RALGAPA2: variants seen among roughly 807,000 people sequenced by gnomAD.
RALGAPA2 encodes Ral GTPase activating protein catalytic subunit alpha 2.
In RALGAPA2, 139 loss-of-function variants were observed where a neutral mutation model predicts 230.4. That is an observed-to-expected ratio of 0.60 (90% confidence interval 0.53 to 0.69). The LOEUF is 0.69. RALGAPA2 is among the 30% of genes least tolerant of loss of function. The pLI is 0.00. For missense variants in RALGAPA2, 2,163 were observed against 2,276.0 expected (o/e 0.95, Z 1.01); for synonymous variants, 847 against 837.8 (o/e 1.01, Z -0.19).
At chr20:20,595,506 A>G (rs6137071) in intron 16 of RALGAPA2, among the ~76,000 whole-genome samples, 2,571 of 152,272 alleles carry the variant, frequency 0.017, 93 homozygotes, top group East Asian at 0.14. Context: ...CAGCGAGGCA[A>G]GGTTTGCCAT....
At chr20:20,483,543 C>CA (rs2061832286) in intron 36 of RALGAPA2, among the ~76,000 whole-genome samples, 1 of 152,064 alleles carries the variant, frequency 6.6e-6, no homozygotes, top group Non-Finnish European at 1.5e-5. Flanking sequence ...GCATCAGGAC[C>CA]ATCCATCAAG....
chr20:20,471,105 A>G (rs1372993375), intron 37 of RALGAPA2: 1 of 152,228 alleles, frequency 6.6e-6, no homozygotes, highest in African/African-American at 2.4e-5. Flanking sequence ...TTTGTGAGTT[A>G]GAGTACATTT....
intron 35 of RALGAPA2, among the ~76,000 whole-genome samples, chr20:20,500,750 T>A (rs1489724203): frequency 2.0e-5 from 3 of 152,328 alleles, no homozygotes; most frequent in Non-Finnish European, 4.4e-5. Flanking sequence ...CAATGGTCTT[T>A]GCCAGATCCA....
At chr20:20,515,056 A>T (rs1040452320) in intron 31 of RALGAPA2, among the ~76,000 whole-genome samples, 1 of 151,992 alleles carries the variant, frequency 6.6e-6, no homozygotes, top group African/African-American at 2.4e-5. Flanking sequence ...GGCTCAACCC[A>T]TTTTGCCCCC....
chr20:20,402,024 G>A (rs1289478309), intron 38 of RALGAPA2, among the ~76,000 whole-genome samples: 1 of 152,224 alleles, frequency 6.6e-6, no homozygotes, highest in Non-Finnish European at 1.5e-5. Context: ...TCCCCCACTG[G>A]GTTGTTCATT....
At chr20:20,397,193 G>A (rs1280056306) in intron 38 of RALGAPA2, among the ~76,000 whole-genome samples, 1 of 152,232 alleles carries the variant, frequency 6.6e-6, no homozygotes, top group African/African-American at 2.4e-5. Context: ...AAGTTTACAT[G>A]TCTCCAAGTT....
intron 35 of RALGAPA2, among the ~76,000 whole-genome samples, chr20:20,497,564 T>C (rs976896524): frequency 2.6e-5 from 4 of 152,348 alleles, no homozygotes; most frequent in Non-Finnish European, 4.4e-5. Flanking sequence ...GTTGGTGCTC[T>C]AGTATCTGTG....
At chr20:20,504,744 GA>G (rs1170015446) in intron 34 of RALGAPA2, among the ~76,000 whole-genome samples, 2 of 150,956 alleles carry the variant, frequency 1.3e-5, no homozygotes, top group African/African-American at 4.9e-5. Flanking sequence ...AAAAAAAAAA[GA>G]AAAAAAGAAG....
chr20:20,621,054 T>A (rs2066304909), intron 10 of RALGAPA2, among the ~76,000 whole-genome samples: 1 of 150,306 alleles, frequency 6.7e-6, no homozygotes, highest in Admixed American at 6.6e-5. Flanking sequence ...GGCAAGAGAA[T>A]CACTTGAACC....
At chr20:20,605,941 G>C (rs1488759044) in intron 14 of RALGAPA2, among the ~76,000 whole-genome samples, 1 of 152,006 alleles carries the variant, frequency 6.6e-6, no homozygotes, top group African/African-American at 2.4e-5. Flanking sequence ...ACTCCAAGAG[G>C]GGCCCCGCTC....
Position 20,646,800 on chromosome 20 carries a change from A to C in RALGAPA2, c.329-3251T>G, listed in dbSNP as rs115351265. Among the ~76,000 whole-genome samples, 1,177 of 152,306 alleles carry C rather than the reference A, an allele frequency of 7.7e-3. 13 individuals carry two copies. Among genetic ancestry groups the C allele is most frequent in the African/African-American group, 0.026 (1,076 of 41,564 alleles). ...AAAATGCAAAGAATCCATAATGAAC[A>C]ATATTAAATTTTTAATTACTAATGT... On this transcript the variant is annotated intron_variant, in intron 4 of 39. Coordinates refer to ENST00000202677, the MANE Select transcript of RALGAPA2 (RefSeq NM_020343.4).
At position 20,536,644 on chromosome 20, in the gene RALGAPA2, T is replaced by C. The variant is rs775249567; in HGVS notation, c.3414+12A>G. ...GTACTAAACTTGAGATACAGTCAAA[T>C]GCGTTATGTACCTTGACATCTTCAG... On this transcript the variant is annotated intron_variant, in intron 25 of 39. Coordinates refer to ENST00000202677, the MANE Select transcript of RALGAPA2 (RefSeq NM_020343.4). The C allele has an allele frequency of 1.2e-6, 2 of 1,610,114 alleles. No individual in the cohort carries two copies. Among genetic ancestry groups the C allele is most frequent in the Non-Finnish European group, 1.7e-6 (2 of 1,177,226 alleles).
At chr20:20,674,831 A>C (rs1299950127) in intron 3 of RALGAPA2, among the ~76,000 whole-genome samples, 7 of 152,240 alleles carry the variant, frequency 4.6e-5, no homozygotes, top group Admixed American at 4.6e-4. Context: ...TGTGTGGCAA[A>C]GCCATTTTTT....
intron 36 of RALGAPA2, among the ~76,000 whole-genome samples, chr20:20,489,301 T>C (rs1013389054): frequency 1.3e-5 from 2 of 152,168 alleles, no homozygotes; most frequent in African/African-American, 4.8e-5. Flanking sequence ...ACGACAGTAC[T>C]GGTAGAAAAC....
chr20:20,464,238 G>A (rs995530117), intron 37 of RALGAPA2, among the ~76,000 whole-genome samples: 3 of 152,176 alleles, frequency 2.0e-5, no homozygotes, highest in African/African-American at 4.8e-5. Flanking sequence ...AGAGTTTGCG[G>A]ACTTTCCAAC....
chr20:20,471,626 G>A (rs1398768976), intron 37 of RALGAPA2: 3 of 152,076 alleles, frequency 2.0e-5, no homozygotes, highest in Non-Finnish European at 2.9e-5. Context: ...CTACAGTGTT[G>A]TGGAAATCAC....
chr20:20,505,372 G>C (rs531165878), intron 34 of RALGAPA2, 39 bp downstream of exon 34: 3 of 1,560,462 alleles, frequency 1.9e-6, no homozygotes, highest in African/African-American at 2.7e-5. Context: ...TCTTTAAACA[G>C]TGCTGGTCAA....
chr20:20,469,943 T>C (rs2061501935), intron 37 of RALGAPA2, among the ~76,000 whole-genome samples: 1 of 152,092 alleles, frequency 6.6e-6, no homozygotes, highest in South Asian at 2.1e-4. Context: ...CTTGACAAAT[T>C]TGATTTAGCC....
chr20:20,487,212 C>T (rs6132304), intron 36 of RALGAPA2, among the ~76,000 whole-genome samples: 5,861 of 152,284 alleles, frequency 0.038, 219 homozygotes, highest in East Asian at 0.15. Flanking sequence ...TTATGTTTAA[C>T]TGGCTAACAG....
Sources: allele counts gnomAD v4.1 joint callset (sites outside exome capture counted in the v4.1 genomes callset), GRCh38; gene constraint gnomAD v4.1.1; transcripts MANE v1.5; gene names NCBI Gene and HGNC (gene_info 2026-07-23, HGNC 2026-07-21).